SPATA17: variants seen among roughly 807,000 people sequenced by gnomAD.
SPATA17 encodes the protein spermatogenesis associated 17.
SPATA17 carries 53 observed loss-of-function variants against 62.2 expected under a neutral mutation model. The observed-to-expected ratio is 0.85, with a 90% CI of 0.68 to 1.07. The LOEUF (loss-of-function observed/expected upper bound fraction) is 1.07, where lower values mean the gene tolerates loss of function less well. Among genes scored for constraint, SPATA17 ranks in the 50% least tolerant of loss-of-function variants. SPATA17 has a pLI of 0.00. For synonymous variants in SPATA17, 146 were observed against 146.8 expected (o/e 0.99, Z 0.04); for missense variants, 466 against 425.5 (o/e 1.10, Z -0.84).
intron 6 of SPATA17, among the ~76,000 whole-genome samples, chr1:217,769,011 A>G (rs1055372711): frequency 1.3e-5 from 2 of 152,036 alleles, no homozygotes; most frequent in African/African-American, 2.4e-5. Flanking sequence ...CTCTATGCCT[A>G]TTTTGGATCT....
At chr1:217,652,836 A>G (rs1239372623) in intron 3 of SPATA17, among the ~76,000 whole-genome samples, 1 of 152,194 alleles carries the variant, frequency 6.6e-6, no homozygotes, top group Admixed American at 6.5e-5. Context: ...GACTGTGGGC[A>G]AGTTATTTAA....
Position 217,867,432 on chromosome 1 carries a change from C to T in SPATA17, c.*413C>T, listed in dbSNP as rs1024340320. Reference sequence around the variant, plus strand: ...GTGTAAATTGTGTGAAATAGTTCAGCATGAAAGCTCTGCCCTGAGAAATAA... The same window carrying T: ...GTGTAAATTGTGTGAAATAGTTCAGTATGAAAGCTCTGCCCTGAGAAATAA... On this transcript the variant is annotated 3_prime_UTR_variant, in exon 11 of 11. Coordinates refer to ENST00000366933, the MANE Select transcript of SPATA17 (RefSeq NM_138796.4). 3.9e-5 allele frequency: 6 copies of T among 152,160 alleles called. No homozygotes were observed. Among genetic ancestry groups the T allele is most frequent in the African/African-American group, 1.2e-4 (5 of 41,430 alleles). The allele number at this position is 152,160 out of a possible 1,614,324, so 9.4% of individuals were successfully genotyped here.
rs539531510 is a variant in SPATA17 at position 217,842,589 on chromosome 1, TTA to T, written c.1006-20179_1006-20178del. Among the ~76,000 whole-genome samples the T allele has an allele frequency of 5.4e-3, 825 of 152,134 alleles. 2 individuals are homozygous for T. Among genetic ancestry groups the T allele is most frequent in the Non-Finnish European group, 7.7e-3 (522 of 67,950 alleles). Reference sequence around the variant, plus strand: ...AAAAAATTGCTCATGATCCATTTTATTATATATTAATATTTAATTCGATAGCA... The same window carrying T: ...AAAAAATTGCTCATGATCCATTTTATTATATTAATATTTAATTCGATAGCA... On this transcript the variant is annotated intron_variant, in intron 9 of 10. Coordinates refer to ENST00000366933, the MANE Select transcript of SPATA17 (RefSeq NM_138796.4).
chr1:217,685,599 T>C (rs1268166482), intron 5 of SPATA17, among the ~76,000 whole-genome samples: 2 of 152,190 alleles, frequency 1.3e-5, no homozygotes, highest in African/African-American at 4.8e-5. Flanking sequence ...TTTTTTCTTT[T>C]TTAATATACT....
chr1:217,660,070 T>C (rs1670533261), intron 3 of SPATA17, among the ~76,000 whole-genome samples: 1 of 152,220 alleles, frequency 6.6e-6, no homozygotes, highest in African/African-American at 2.4e-5. Context: ...ATATGCAGTG[T>C]CCTTATCACC....
At chr1:217,853,879 C>T (rs1675718400) in intron 9 of SPATA17, among the ~76,000 whole-genome samples, 1 of 151,980 alleles carries the variant, frequency 6.6e-6, no homozygotes, top group Non-Finnish European at 1.5e-5. Flanking sequence ...GAACACTAGG[C>T]AGAATTTCAG....
intron 5 of SPATA17, among the ~76,000 whole-genome samples, chr1:217,710,512 G>A (rs1338053939): frequency 1.3e-5 from 2 of 152,170 alleles, no homozygotes; most frequent in African/African-American, 4.8e-5. Flanking sequence ...TGTTTTGAAT[G>A]TAAATTTGTT....
intron 8 of SPATA17, 56 bp downstream of exon 8, chr1:217,782,378 T>C: frequency 6.7e-7 from 1 of 1,501,036 alleles, no homozygotes; most frequent in Non-Finnish European, 8.9e-7. Context: ...TTAAATTTTC[T>C]AATTTTTTTA....
At chr1:217,747,785 C>T (rs1349519017) in intron 6 of SPATA17, among the ~76,000 whole-genome samples, 4 of 152,034 alleles carry the variant, frequency 2.6e-5, no homozygotes, top group South Asian at 2.1e-4. Context: ...ATAATTTATA[C>T]GATAGATTTT....
intron 5 of SPATA17, among the ~76,000 whole-genome samples, chr1:217,701,604 C>T (rs2102919737): frequency 6.6e-6 from 1 of 151,886 alleles, no homozygotes; most frequent in East Asian, 2.0e-4. Context: ...ACAGGCTGGT[C>T]TTGAACTCCT....
At chr1:217,707,392 C>G (rs918464741) in intron 5 of SPATA17, among the ~76,000 whole-genome samples, 3 of 152,160 alleles carry the variant, frequency 2.0e-5, no homozygotes, top group Non-Finnish European at 4.4e-5. Flanking sequence ...TTGAGTTCCT[C>G]TCTTCCTATT....
intron 5 of SPATA17, among the ~76,000 whole-genome samples, chr1:217,734,851 TTTAA>T (rs778667857): frequency 1.2e-4 from 19 of 152,120 alleles, no homozygotes; most frequent in Non-Finnish European, 2.5e-4. Flanking sequence ...CTCCAGAATG[TTTAA>T]TTAAGCCAGT....
chr1:217,655,877 G>C (rs1183646282), intron 3 of SPATA17, among the ~76,000 whole-genome samples: 1 of 152,078 alleles, frequency 6.6e-6, no homozygotes, highest in African/African-American at 2.4e-5. Flanking sequence ...GGAGTAATGA[G>C]CACCTTTAGT....
chr1:217,646,841 C>A (rs916344295), intron 1 of SPATA17, among the ~76,000 whole-genome samples: 13 of 152,082 alleles, frequency 8.5e-5, no homozygotes, highest in African/African-American at 3.1e-4. Flanking sequence ...TTGCAGTGAG[C>A]CGAGATCACA....
At chr1:217,813,760 A>T (rs1674650457) in intron 9 of SPATA17, among the ~76,000 whole-genome samples, 1 of 152,124 alleles carries the variant, frequency 6.6e-6, no homozygotes, top group South Asian at 2.1e-4. Context: ...CTTCAGGAAA[A>T]GTATAAATTT....
intron 9 of SPATA17, among the ~76,000 whole-genome samples, chr1:217,824,677 AATTC>A (rs1218318387): frequency 6.6e-6 from 1 of 150,926 alleles, no homozygotes; most frequent in African/African-American, 2.4e-5. Context: ...AATATGTATA[AATTC>A]ATATGTATAT....
rs149681379 is a variant in SPATA17, at chr1:217,632,463, A to G, written c.68+1017A>G. Among the ~76,000 whole-genome samples, 4 of 152,340 alleles carry G rather than the reference A, an allele frequency of 2.6e-5. No homozygotes were observed. The East Asian group carries it at 7.7e-4, about 29-fold the overall frequency. ...TGACAGACCAATGGAAAATATGTCA[A>G]TGAGATAGGGTCTTGCTGAGCTGCT... is the stretch of plus-strand genomic sequence containing the variant. On this transcript the variant is annotated intron_variant, in intron 1 of 10. Coordinates refer to ENST00000366933, the MANE Select transcript of SPATA17 (RefSeq NM_138796.4).
chr1:217,740,729 G>A (rs915775446), intron 5 of SPATA17, among the ~76,000 whole-genome samples: 23 of 152,296 alleles, frequency 1.5e-4, no homozygotes, highest in African/African-American at 5.1e-4. Context: ...CTCTGTGGGC[G>A]CAGAAGCCCC....
At chr1:217,783,076 ATAT>A (rs1439616348) in intron 8 of SPATA17, among the ~76,000 whole-genome samples, 1 of 150,948 alleles carries the variant, frequency 6.6e-6, no homozygotes, top group Non-Finnish European at 1.5e-5. Context: ...ATAATACTAA[ATAT>A]TAATGATAAT....
Sources: allele counts gnomAD v4.1 joint callset (sites outside exome capture counted in the v4.1 genomes callset), GRCh38; gene constraint gnomAD v4.1.1; transcripts MANE v1.5; gene names NCBI Gene and HGNC (gene_info 2026-07-23, HGNC 2026-07-21).